Variants in ZNF148 observed in about 807,000 individuals in gnomAD.
ZNF148 encodes the protein zinc finger protein 148.
Under a neutral mutation model 67.7 loss-of-function variants are expected in ZNF148, and 7 were observed. The ratio of observed to expected loss-of-function variants is 0.10; its 90% CI spans 0.06 to 0.19. The LOEUF (loss-of-function observed/expected upper bound fraction) is 0.19, where lower values mean the gene tolerates loss of function less well. ZNF148 is among the 10% of genes least tolerant of loss of function. The pLI, the probability that ZNF148 is intolerant of heterozygous loss-of-function variation, is 1.00. For synonymous variants in ZNF148, 333 were observed against 330.7 expected, an observed-to-expected ratio of 1.01 and a Z score of -0.08; for missense variants, 583 against 947.1, an observed-to-expected ratio of 0.62 and a Z score of 5.05.
intron 2 of ZNF148, among the ~76,000 whole-genome samples, chr3:125,328,279 C>T (rs188203515): frequency 1.5e-4 from 23 of 152,160 alleles, no homozygotes; most frequent in African/African-American, 2.4e-4. Flanking sequence ...TCTTCACTGC[C>T]CACCTCAGCC....
At chr3:125,326,586 T>C (rs1302178096) in intron 2 of ZNF148, among the ~76,000 whole-genome samples, 1 of 150,708 alleles carries the variant, frequency 6.6e-6, no homozygotes, top group East Asian at 1.9e-4. Flanking sequence ...ATAGGTGATA[T>C]CTACCTGTAT....
chr3:125,344,415 C>T, intron 1 of ZNF148: 1 of 734,884 alleles, frequency 1.4e-6, no homozygotes. Flanking sequence ...TCCTCAGGGA[C>T]CCCATTCCAA....
At chr3:125,339,200 G>A (rs1338625255) in intron 1 of ZNF148, among the ~76,000 whole-genome samples, 7 of 152,122 alleles carry the variant, frequency 4.6e-5, no homozygotes, top group African/African-American at 1.7e-4. Context: ...TTCTATTAAT[G>A]TACGGTGAAC....
At chr3:125,243,106 C>T (rs991029849) in intron 7 of ZNF148, among the ~76,000 whole-genome samples, 4 of 152,176 alleles carry the variant, frequency 2.6e-5, no homozygotes, top group African/African-American at 4.8e-5. Context: ...ACCATGTTTA[C>T]TCTTTTCACC....
At chr3:125,356,051 C>CCCCCCG (rs1482000243) in intron 1 of ZNF148, among the ~76,000 whole-genome samples, 1 of 152,080 alleles carries the variant, frequency 6.6e-6, no homozygotes, top group Non-Finnish European at 1.5e-5. Flanking sequence ...AATATATCTT[C>CCCCCCG]CCCCCGTTAA....
intron 1 of ZNF148, among the ~76,000 whole-genome samples, chr3:125,362,556 G>A (rs1463612216): frequency 7.5e-6 from 1 of 133,654 alleles, no homozygotes; most frequent in African/African-American, 2.6e-5. Flanking sequence ...TTTTGTTTTT[G>A]TTTTTGTTTT....
At chr3:125,234,041 T>A in intron 8 of ZNF148, 102 bp from the exon 9 acceptor site, 2 of 1,398,800 alleles carry the variant, frequency 1.4e-6, no homozygotes, top group Non-Finnish European at 1.9e-6. Flanking sequence ...ATTAATGCAA[T>A]AACATACATA....
chr3:125,320,156 T>G (rs1041103309), intron 3 of ZNF148, among the ~76,000 whole-genome samples: 1 of 152,206 alleles, frequency 6.6e-6, no homozygotes, highest in Non-Finnish European at 1.5e-5. Flanking sequence ...TAAATGTATC[T>G]TCTTAAGCTA....
intron 1 of ZNF148, among the ~76,000 whole-genome samples, chr3:125,351,246 G>A (rs1942138504): frequency 6.6e-6 from 1 of 152,010 alleles, no homozygotes; most frequent in Admixed American, 6.6e-5. Context: ...GCCAGGCGTG[G>A]TGGCAGGTGC....
chr3:125,289,268 G>T (rs189079298), intron 4 of ZNF148, among the ~76,000 whole-genome samples: 88 of 152,256 alleles, frequency 5.8e-4, no homozygotes, highest in Admixed American at 1.6e-3. Flanking sequence ...CAGTGTAAAG[G>T]TGGAAAACAG....
chr3:125,323,105 G>A (rs574499432), intron 3 of ZNF148, among the ~76,000 whole-genome samples: 2 of 152,142 alleles, frequency 1.3e-5, no homozygotes, highest in South Asian at 2.1e-4. Flanking sequence ...CATTTTTGTT[G>A]TGTTAGAGTC....
chr3:125,321,338 T>C (rs972096252), intron 3 of ZNF148, among the ~76,000 whole-genome samples: 2 of 152,106 alleles, frequency 1.3e-5, no homozygotes, highest in Non-Finnish European at 2.9e-5. Flanking sequence ...CTAACACAAG[T>C]ATTAATCAGA....
intron 7 of ZNF148, among the ~76,000 whole-genome samples, chr3:125,276,837 G>A (rs1281354411): frequency 2.6e-5 from 4 of 152,142 alleles, no homozygotes; most frequent in Non-Finnish European, 5.9e-5. Flanking sequence ...GTTTCTATAT[G>A]ACAAACTGTC....
At position 125,252,072 on chromosome 3, in the gene ZNF148, A is replaced by G. The variant is rs182642886; in HGVS notation, c.668-17743T>C. Among the ~76,000 whole-genome samples the G allele has an allele frequency of 5.2e-3, 788 of 152,296 alleles. 7 individuals are homozygous for G. The highest frequency in any genetic ancestry group is 0.018 in the African/African-American group (752 of 41,548). The stretch of plus-strand genomic sequence containing the variant: ...TACCTTTTCATACATCTAACCATTT[A>G]GATATCCTTTTTGTGTTTCTGTGAA... On this transcript the variant is annotated intron_variant, in intron 7 of 8. Transcript: ENST00000360647.
chr3:125,367,378 C>A (rs1942734665), intron 1 of ZNF148, among the ~76,000 whole-genome samples: 1 of 152,144 alleles, frequency 6.6e-6, no homozygotes. Flanking sequence ...CTTTCCTTCC[C>A]CATCTGCTTA....
At position 125,263,727 on chromosome 3, in the gene ZNF148, T is replaced by C. The variant is rs191219149; in HGVS notation, c.667+13999A>G. 5.9e-5 allele frequency among the ~76,000 whole-genome samples: 9 copies of C among 152,250 alleles called. No homozygotes were observed. In the East Asian group the frequency reaches 1.7e-3, roughly 29 times the overall value. On this transcript the variant is annotated intron_variant, in intron 7 of 8. Coordinates refer to ENST00000360647, the MANE Select transcript of ZNF148 (RefSeq NM_021964.3). Reference sequence around the variant, plus strand: ...AAAATCCTTTCAATTTCCTGAGTGATAGCAGTGTCTTTTATTCCTGACACA... The same window carrying C: ...AAAATCCTTTCAATTTCCTGAGTGACAGCAGTGTCTTTTATTCCTGACACA...
intron 7 of ZNF148, among the ~76,000 whole-genome samples, chr3:125,259,160 A>G (rs1314231912): frequency 6.6e-6 from 1 of 151,958 alleles, no homozygotes; most frequent in Non-Finnish European, 1.5e-5. Context: ...AACTCTCAAA[A>G]ATCAACAATA....
chr3:125,263,173 G>C lies in ZNF148; in HGVS notation c.667+14553C>G, dbSNP rs188307434. On this transcript the variant is annotated intron_variant, in intron 7 of 8. Coordinates refer to ENST00000360647, the MANE Select transcript of ZNF148 (RefSeq NM_021964.3). Reference sequence around the variant, plus strand: ...TTTGAAACTATTCTTGCCTATAGTTGTTGCACAGAGATGAATTCTTTAGTC... The same window carrying C: ...TTTGAAACTATTCTTGCCTATAGTTCTTGCACAGAGATGAATTCTTTAGTC... Among the ~76,000 whole-genome samples the C allele has an allele frequency of 3.5e-4, 53 of 152,288 alleles. 1 individual carries two copies. The Middle Eastern group carries it at 0.014, about 39-fold the overall frequency.
At chr3:125,263,488 T>C (rs1250027006) in intron 7 of ZNF148, among the ~76,000 whole-genome samples, 2 of 151,876 alleles carry the variant, frequency 1.3e-5, no homozygotes, top group Non-Finnish European at 2.9e-5. Flanking sequence ...GAGACTGAGG[T>C]TGCAGTGAGC....
Sources: gnomAD v4.1 joint callset for allele counts (sites outside exome capture counted in the v4.1 genomes callset) on GRCh38, gnomAD v4.1.1 for gene constraint, MANE v1.5 for transcripts, NCBI Gene and HGNC (gene_info 2026-07-23, HGNC 2026-07-21) for gene names.